The following CDH10 variants were observed in gnomAD, a reference collection of about 807,000 sequenced individuals.
CDH10 encodes the protein cadherin 10.
In CDH10, 30 loss-of-function variants were observed where a neutral mutation model predicts 73.1. The observed-to-expected ratio is 0.41, with a 90% CI of 0.31 to 0.56. CDH10 has a LOEUF of 0.56. Among genes scored for constraint, CDH10 ranks in the 20% least tolerant of loss-of-function variants. The pLI, the probability that CDH10 is intolerant of heterozygous loss-of-function variation, is 0.27. For synonymous variants in CDH10, 345 were observed against 348.2 expected (o/e 0.99, Z 0.10); for missense variants, 815 against 973.7 (o/e 0.84, Z 2.17).
At chr5:24,603,050 A>T (rs2112122556) in intron 1 of CDH10, among the ~76,000 whole-genome samples, 1 of 152,270 alleles carries the variant, frequency 6.6e-6, no homozygotes, top group Middle Eastern at 3.4e-3. Flanking sequence ...AAACTCTAAA[A>T]ACTAGAAGAT....
chr5:24,554,512 GT>G, intron 2 of CDH10, among the ~76,000 whole-genome samples: 1 of 89,606 alleles, frequency 1.1e-5, no homozygotes, highest in African/African-American at 2.9e-5. Flanking sequence ...GTGTGTGTGT[GT>G]GTGTGTGCAC....
At chr5:24,588,716 T>G (rs1020856851) in intron 2 of CDH10, among the ~76,000 whole-genome samples, 1 of 152,188 alleles carries the variant, frequency 6.6e-6, no homozygotes, top group Admixed American at 6.5e-5. Flanking sequence ...GCTTTATTGA[T>G]ATTTAAATTT....
intron 10 of CDH10, 59 bp from the exon 11 acceptor site, chr5:24,491,886 A>T (rs2111642950): frequency 9.5e-7 from 1 of 1,048,708 alleles, no homozygotes; most frequent in Non-Finnish European, 1.4e-6. Flanking sequence ...TCCCAATGTG[A>T]TCACCAAGGT....
intron 5 of CDH10, among the ~76,000 whole-genome samples, chr5:24,518,562 T>C (rs944652372): frequency 1.3e-5 from 2 of 152,098 alleles, no homozygotes; most frequent in Non-Finnish European, 2.9e-5. Context: ...TTTAATGGAA[T>C]ACCTTATTCA....
At position 24,593,613 on chromosome 5, in the gene CDH10, G is replaced by C; in HGVS notation, c.-123C>G. On this transcript the variant is annotated splice_region_variant and 5_prime_UTR_variant, in exon 2 of 12. Transcript: ENST00000264463. Reference sequence around the variant, plus strand: ...CAATGTTTTGTTCATGTTTCCCAAAGCTTCAAACAAACAAACAAACAAAAA... The same window carrying C: ...CAATGTTTTGTTCATGTTTCCCAAACCTTCAAACAAACAAACAAACAAAAA... 1 of 565,754 alleles carries C rather than the reference G, an allele frequency of 1.8e-6. No individual in the cohort carries two copies. Among genetic ancestry groups the C allele is most frequent in the Admixed American group, 3.5e-5 (1 of 28,482 alleles). The allele number at this position is 565,754 out of a possible 1,614,324, so 35.0% of individuals were successfully genotyped here. A position where few individuals can be genotyped will look rare whatever the true frequency, so the allele number is the denominator to read the frequency against.
At position 24,593,582 on chromosome 5, in the gene CDH10, TTTCATCAATG is replaced by T. The variant is rs1376826769; in HGVS notation, c.-102_-93del. The T allele has an allele frequency of 1.5e-6, 1 of 649,604 alleles. No homozygotes were observed. Among genetic ancestry groups the T allele is most frequent in the African/African-American group, 1.9e-5 (1 of 54,008 alleles). The allele number at this position is 649,604 out of a possible 1,614,324, so 40.2% of individuals were successfully genotyped here. On this transcript the variant is annotated 5_prime_UTR_variant, in exon 2 of 12. It removes an upstream start codon present in the reference 5' UTR. Transcript: ENST00000264463. ...ACTGTGTTTCAACTGGTTTCCAACA[TTTCATCAATG>T]TTTTGTTCATGTTTCCCAAAGCTTC...
chr5:24,513,439 G>T (rs1742993701), intron 5 of CDH10, among the ~76,000 whole-genome samples: 1 of 152,044 alleles, frequency 6.6e-6, no homozygotes. Context: ...TGTTTGTTGG[G>T]CTATGCCAAG....
rs114067715 is a variant in CDH10, at chr5:24,568,382, G to A, written c.231+24878C>T. Among the ~76,000 whole-genome samples the A allele has an allele frequency of 5.8e-3, 877 of 152,072 alleles. 10 individuals are homozygous for A. Among genetic ancestry groups the A allele is most frequent in the African/African-American group, 0.02 (846 of 41,524 alleles). ...AAGAAGACATCCAAATGGCCAGTAA[G>A]TACATAAAAAGATACTCAATATCAC... On this transcript the variant is annotated intron_variant, in intron 2 of 11. Transcript: ENST00000264463.
chr5:24,493,034 T>C (rs1742119520), intron 9 of CDH10, 109 bp from the exon 10 acceptor site: 6 of 625,210 alleles, frequency 9.6e-6, no homozygotes, highest in South Asian at 2.0e-5. Flanking sequence ...TTGACTTTTA[T>C]TTCATGTGAA....
chr5:24,549,806 C>T (rs962614442), intron 2 of CDH10, among the ~76,000 whole-genome samples: 10 of 151,998 alleles, frequency 6.6e-5, no homozygotes, highest in African/African-American at 2.4e-4. Flanking sequence ...CTCGCCTCAG[C>T]CTCCCAAAGT....
At chr5:24,559,280 A>G (rs1475586571) in intron 2 of CDH10, among the ~76,000 whole-genome samples, 1 of 151,990 alleles carries the variant, frequency 6.6e-6, no homozygotes, top group Non-Finnish European at 1.5e-5. Flanking sequence ...CAGGCAGCCA[A>G]TTTTAGCAAT....
chr5:24,513,934 TCTC>T (rs1009832459), intron 5 of CDH10, among the ~76,000 whole-genome samples: 7 of 152,108 alleles, frequency 4.6e-5, no homozygotes, highest in Admixed American at 1.3e-4. Context: ...CACAATCACT[TCTC>T]CTATCATCCG....
chr5:24,505,897 T>C (rs1169870233), intron 7 of CDH10, among the ~76,000 whole-genome samples: 1 of 152,156 alleles, frequency 6.6e-6, no homozygotes, highest in Admixed American at 6.5e-5. Context: ...AGGAGGATCA[T>C]GAGGTCAGGA....
chr5:24,487,734 G>A lies in CDH10; in HGVS notation c.2296C>T (p.Arg766Ter), dbSNP rs2111599826. Residue 766 changes from arginine to a stop codon, truncating the protein, a stop_gained, in exon 12 of 12, where the codon CGA becomes TGA. Coordinates refer to ENST00000264463, the MANE Select transcript of CDH10 (RefSeq NM_006727.5). LOFTEE classifies it high-confidence loss of function. ...TTATTAAACCGAGGGCCCCATTCTC[G>A]GAGGTAATCGTAGTTTTGGTCTCCT... is the stretch of plus-strand genomic sequence containing the variant. The part of the protein sequence containing the change: ...TEGDQNYDYL[R>*]EWGPRFNKLA... 1.9e-6 allele frequency: 3 copies of A among 1,613,586 alleles called. No individual in the cohort carries two copies. The highest frequency in any genetic ancestry group is 2.5e-6 in the Non-Finnish European group (3 of 1,179,830).
In CDH10 at chr5:24,523,004, T is replaced by G. The variant is rs16893481; in HGVS notation, c.815-11490A>C. The stretch of plus-strand genomic sequence containing the variant: ...GAAGGAGGTTGACAATGGTGAATAT[T>G]AAAACAAAATAAAGGCACACGCAAA... On this transcript the variant is annotated intron_variant, in intron 5 of 11. Transcript: ENST00000264463. Among the ~76,000 whole-genome samples the G allele has an allele frequency of 5.4e-3, 819 of 151,632 alleles. 6 individuals carry two copies. Among genetic ancestry groups the G allele is most frequent in the African/African-American group, 0.018 (756 of 41,336 alleles).
At chr5:24,557,330 AT>A (rs1411835021) in intron 2 of CDH10, among the ~76,000 whole-genome samples, 13 of 151,522 alleles carry the variant, frequency 8.6e-5, no homozygotes, top group Non-Finnish European at 1.5e-4. Flanking sequence ...AAAAGGTGTG[AT>A]TTTTTTCTTT....
chr5:24,622,284 A>G (rs1747343809), intron 1 of CDH10, among the ~76,000 whole-genome samples: 1 of 152,202 alleles, frequency 6.6e-6, no homozygotes, highest in Non-Finnish European at 1.5e-5. Flanking sequence ...TCAGCTTCTA[A>G]ATGTTATGGG....
intron 8 of CDH10, 104 bp from the exon 9 acceptor site, chr5:24,498,623 C>T (rs1490399085): frequency 1.4e-6 from 1 of 690,344 alleles, no homozygotes; most frequent in East Asian, 2.5e-5. Flanking sequence ...TACAAATAAG[C>T]ATTGCAATCA....
chr5:24,595,107 T>TG (rs1554024287), intron 1 of CDH10, among the ~76,000 whole-genome samples: 1 of 150,580 alleles, frequency 6.6e-6, no homozygotes, highest in African/African-American at 2.4e-5. Flanking sequence ...TTATTTTGTT[T>TG]TGTGTGTGTG....
Sources: allele counts gnomAD v4.1 joint callset (sites outside exome capture counted in the v4.1 genomes callset), GRCh38; gene constraint gnomAD v4.1.1; transcripts MANE v1.5; gene names NCBI Gene and HGNC (gene_info 2026-07-23, HGNC 2026-07-21).